The following COL26A1 variants were observed in gnomAD, a reference collection of about 807,000 sequenced individuals.
COL26A1 encodes collagen alpha-1(XXVI) chain.
In COL26A1, 41 loss-of-function variants were observed where a neutral mutation model predicts 59.3. The observed-to-expected ratio is 0.69, with a 90% CI of 0.54 to 0.90. The LOEUF (loss-of-function observed/expected upper bound fraction) is 0.90, where lower values mean the gene tolerates loss of function less well. Among genes scored for constraint, COL26A1 ranks in the 40% least tolerant of loss-of-function variants. The pLI, the probability that COL26A1 is intolerant of heterozygous loss-of-function variation, is 0.00. For missense variants in COL26A1, 612 were observed against 602.3 expected, an observed-to-expected ratio of 1.02 and a Z score of -0.17; for synonymous variants, 266 against 256.0, an observed-to-expected ratio of 1.04 and a Z score of -0.37.
At chr7:101,515,690 G>A (rs1174195761) in intron 3 of COL26A1, among the ~76,000 whole-genome samples, 2 of 151,904 alleles carry the variant, frequency 1.3e-5, no homozygotes, top group African/African-American at 4.8e-5. Flanking sequence ...CCTGGCTCAA[G>A]TGATTCTCAT....
intron 1 of COL26A1, among the ~76,000 whole-genome samples, chr7:101,393,112 C>T (rs921087760): frequency 6.6e-6 from 1 of 151,760 alleles, no homozygotes; most frequent in African/African-American, 2.4e-5. Context: ...AAGCAGTTCT[C>T]CTGCCTCAGC....
intron 2 of COL26A1, among the ~76,000 whole-genome samples, chr7:101,440,815 A>G (rs1793038041): frequency 6.6e-6 from 1 of 152,016 alleles, no homozygotes. Context: ...AAAATACCAA[A>G]ATTAGCTAAA....
chr7:101,547,190 C>T lies in COL26A1; in HGVS notation c.891C>T (p.Asp297=), dbSNP rs1395158079. Residue 297 remains aspartate (D), a synonymous_variant, in exon 8 of 13, where the codon GAC becomes GAT. Coordinates refer to ENST00000313669, the MANE Select transcript of COL26A1 (RefSeq NM_001278563.3). ...GDSRLASAIV[D]TVLAGVPGPR... ...CAAGGCTGGCCTCTGCCATCGTGGA[C>T]ACAGTGCTGGCAGGTGTCCCAGGAC... 6.3e-7 allele frequency: 1 copy of T among 1,599,548 alleles called. No homozygotes were observed. Among genetic ancestry groups the T allele is most frequent in the East Asian group, 2.3e-5 (1 of 44,152 alleles).
intron 3 of COL26A1, among the ~76,000 whole-genome samples, chr7:101,455,393 A>G (rs926539243): frequency 5.3e-5 from 8 of 152,204 alleles, no homozygotes; most frequent in Non-Finnish European, 1.0e-4. Flanking sequence ...CAGAAAACAT[A>G]GAAACACGTA....
rs563951191 is a variant in COL26A1, at chr7:101,393,647, A to T, written c.159-26330A>T. Among the ~76,000 whole-genome samples the T allele has an allele frequency of 7.2e-5, 11 of 152,288 alleles. No homozygotes were observed. The South Asian group carries it at 2.1e-3, about 29-fold the overall frequency. On this transcript the variant is annotated intron_variant, in intron 1 of 12. Coordinates refer to ENST00000313669, the MANE Select transcript of COL26A1 (RefSeq NM_001278563.3). The stretch of plus-strand genomic sequence containing the variant: ...ATTAACCATCACACAGGGTTTCATC[A>T]TGTTGGCTGGGCTGGTCTTGAACTC...
At chr7:101,544,725 G>A (rs1271638310) in intron 6 of COL26A1, among the ~76,000 whole-genome samples, 5 of 145,454 alleles carry the variant, frequency 3.4e-5, no homozygotes, top group Non-Finnish European at 6.1e-5. Context: ...TAGAGACAGG[G>A]TTTCACCATG....
In COL26A1 at chr7:101,486,064, T is replaced by C. The variant is rs1403953371; in HGVS notation, c.385+38277T>C. ...GACGGGCACCTGTAGTCCCAGCTACTCAGGAGGCTGAGGCACGAGAATCAC... is the reference window on the plus strand; with the variant it reads ...GACGGGCACCTGTAGTCCCAGCTACCCAGGAGGCTGAGGCACGAGAATCAC... On this transcript the variant is annotated intron_variant, in intron 3 of 12. Coordinates refer to ENST00000313669, the MANE Select transcript of COL26A1 (RefSeq NM_001278563.3). Among the ~76,000 whole-genome samples, 3 of 151,708 alleles carry C rather than the reference T, an allele frequency of 2.0e-5. No homozygotes were observed. In the East Asian group the frequency reaches 5.8e-4, roughly 29 times the overall value.
Position 101,455,503 on chromosome 7 carries a change from C to CTTTTTTTT in COL26A1, c.385+7726_385+7733dup, listed in dbSNP as rs10690062. On this transcript the variant is annotated intron_variant, in intron 3 of 12. Transcript: ENST00000313669. ...CTGTTTGGTAAGTTTCTTTTCTTTT[C>CTTTTTTTT]TTTTTTTTTTTTTTTTTGAGACTGA... Among the ~76,000 whole-genome samples, 96 of 116,536 alleles carry CTTTTTTTT rather than the reference C, an allele frequency of 8.2e-4. 1 individual carries two copies. Among genetic ancestry groups the CTTTTTTTT allele is most frequent in the African/African-American group, 1.3e-3 (37 of 29,252 alleles). 76.5% of individuals were successfully genotyped at this position (116,536 alleles called of 152,430 possible).
rs1162715743 is a variant in COL26A1 at position 101,558,894 on chromosome 7, G to A, written c.*1364G>A. On this transcript the variant is annotated 3_prime_UTR_variant, in exon 13 of 13. Transcript: ENST00000313669. Reference sequence around the variant, plus strand: ...GTGGCCTGGTCCCTCTGGGCCCTGGGATCTTCTTCTGGCCCTTGAGGCAGG... The same window carrying A: ...GTGGCCTGGTCCCTCTGGGCCCTGGAATCTTCTTCTGGCCCTTGAGGCAGG... 6.6e-6 allele frequency: 1 copy of A among 152,378 alleles called. No homozygotes were observed. The highest frequency in any genetic ancestry group is 1.5e-5 in the Non-Finnish European group (1 of 68,196). The allele number at this position is 152,378 out of a possible 1,614,324, so 9.4% of individuals were successfully genotyped here.
At chr7:101,506,229 G>A (rs994252566) in intron 3 of COL26A1, among the ~76,000 whole-genome samples, 6 of 152,200 alleles carry the variant, frequency 3.9e-5, no homozygotes, top group East Asian at 3.8e-4. Context: ...TGTTTGGGGC[G>A]GCCAGGAGGC....
At chr7:101,419,870 C>T in intron 1 of COL26A1, 107 bp from the exon 2 acceptor site, 1 of 1,217,366 alleles carries the variant, frequency 8.2e-7, no homozygotes, top group Non-Finnish European at 1.2e-6. Context: ...GAGCGAGCCT[C>T]CACCCCAGGT....
At chr7:101,446,481 C>T (rs773844686) in intron 2 of COL26A1, among the ~76,000 whole-genome samples, 4 of 152,216 alleles carry the variant, frequency 2.6e-5, no homozygotes, top group Non-Finnish European at 5.9e-5. Context: ...GGTCACACAG[C>T]TGTCACTGCC....
At chr7:101,527,509 T>A (rs1419464129) in intron 3 of COL26A1, among the ~76,000 whole-genome samples, 1 of 147,676 alleles carries the variant, frequency 6.8e-6, no homozygotes, top group Non-Finnish European at 1.5e-5. Flanking sequence ...TTTTTTTTTG[T>A]ATTTTTAGTA....
rs1795404940 is a variant in COL26A1, at chr7:101,533,140, C to T, written c.444C>T (p.Ala148=). The part of the protein sequence containing the change: ...DMSERLTTLE[A]KVLLLEAAER... The stretch of plus-strand genomic sequence containing the variant: ...GTGAGCGACTGACCACACTGGAGGC[C>T]AAGGTCAGTCGGGCTGGGGAGTCTG... Residue 148 remains alanine, a synonymous_variant, in exon 4 of 13, where the codon GCC becomes GCT. Coordinates refer to ENST00000313669, the MANE Select transcript of COL26A1 (RefSeq NM_001278563.3). The T allele has an allele frequency of 6.2e-7, 1 of 1,601,940 alleles. No individual in the cohort carries two copies. Among genetic ancestry groups the T allele is most frequent in the Non-Finnish European group, 8.5e-7 (1 of 1,175,578 alleles).
chr7:101,457,479 G>A (rs190960326), intron 3 of COL26A1, among the ~76,000 whole-genome samples: 18 of 152,202 alleles, frequency 1.2e-4, no homozygotes, highest in East Asian at 3.9e-4. Flanking sequence ...GAAGGAATCC[G>A]TTTTAGGGAG....
At chr7:101,521,649 A>C (rs962660062) in intron 3 of COL26A1, among the ~76,000 whole-genome samples, 1 of 152,188 alleles carries the variant, frequency 6.6e-6, no homozygotes. Context: ...ACAAGGTTGG[A>C]TTGGCATTTG....
At chr7:101,504,348 G>A (rs1312440194) in intron 3 of COL26A1, among the ~76,000 whole-genome samples, 6 of 152,050 alleles carry the variant, frequency 3.9e-5, no homozygotes, top group Admixed American at 2.0e-4. Context: ...TGATCTGCTC[G>A]CCTCGGCCTC....
At position 101,429,589 on chromosome 7, in the gene COL26A1, C is replaced by CTTTTTTTTTTTTTTTTTTTTT. The variant is rs58432413; in HGVS notation, c.281+9491_281+9511dup. Among the ~76,000 whole-genome samples, 104 of 78,678 alleles carry CTTTTTTTTTTTTTTTTTTTTT rather than the reference C, an allele frequency of 1.3e-3. 2 individuals are homozygous for CTTTTTTTTTTTTTTTTTTTTT. Among genetic ancestry groups the CTTTTTTTTTTTTTTTTTTTTT allele is most frequent in the Non-Finnish European group, 1.6e-3 (66 of 42,308 alleles). 51.6% of individuals were successfully genotyped at this position (78,678 alleles called of 152,430 possible). On this transcript the variant is annotated intron_variant, in intron 2 of 12. Coordinates refer to ENST00000313669, the MANE Select transcript of COL26A1 (RefSeq NM_001278563.3). ...ATTCTTTTTTTTCCTTTCTTTTTTACTTTTTTTTTTTTTTTTTTTTTGAGA... is the reference window on the plus strand; with the variant it reads ...ATTCTTTTTTTTCCTTTCTTTTTTACTTTTTTTTTTTTTTTTTTTTTTTTTTTTTTTTTTTTTTTTTTGAGA...
chr7:101,433,950 G>T (rs532462608), intron 2 of COL26A1, among the ~76,000 whole-genome samples: 1 of 151,588 alleles, frequency 6.6e-6, no homozygotes, highest in South Asian at 2.1e-4. Flanking sequence ...AAATGAATGC[G>T]TTCATCTTCT....
Sources: allele counts gnomAD v4.1 joint callset (sites outside exome capture counted in the v4.1 genomes callset), GRCh38; gene constraint gnomAD v4.1.1; transcripts MANE v1.5; gene names NCBI Gene and HGNC (gene_info 2026-07-23, HGNC 2026-07-21).